Variants in CLNK observed in about 807,000 individuals in gnomAD.
CLNK encodes cytokine-dependent hematopoietic cell linker.
Under a neutral mutation model 68.6 loss-of-function variants are expected in CLNK, and 74 were observed. That is an observed-to-expected ratio of 1.08 (90% CI 0.89 to 1.31). The LOEUF is 1.31. CLNK is among the 50% of genes most tolerant of loss of function. The pLI is 0.00. For missense variants in CLNK, 553 were observed against 515.3 expected (o/e 1.07, Z -0.71); for synonymous variants, 198 against 172.2 (o/e 1.15, Z -1.17).
At chr4:10,596,140 C>G (rs935254978) in intron 3 of CLNK, among the ~76,000 whole-genome samples, 1 of 152,210 alleles carries the variant, frequency 6.6e-6, no homozygotes, top group Non-Finnish European at 1.5e-5. Flanking sequence ...ATTCTCCTGC[C>G]TCAGCCTCCC....
chr4:10,622,323 A>T (rs916588943), intron 2 of CLNK, among the ~76,000 whole-genome samples: 1 of 152,194 alleles, frequency 6.6e-6, no homozygotes, highest in Non-Finnish European at 1.5e-5. Context: ...GGGTCACCTG[A>T]TTTCAAGCCT....
intron 8 of CLNK, among the ~76,000 whole-genome samples, chr4:10,542,964 C>T (rs1719097060): frequency 1.3e-5 from 2 of 152,130 alleles, no homozygotes; most frequent in East Asian, 1.9e-4. Flanking sequence ...ATGTAATTAT[C>T]GAGCTTCTAC....
intron 16 of CLNK, among the ~76,000 whole-genome samples, chr4:10,508,853 A>G (rs1035874790): frequency 2.0e-5 from 3 of 152,166 alleles, no homozygotes; most frequent in African/African-American, 7.2e-5. Context: ...CAATGCCTGT[A>G]ATCCCAGCAC....
the CLNK span, among the ~76,000 whole-genome samples, chr4:10,713,431 G>C: frequency 6.6e-6 from 1 of 152,146 alleles, no homozygotes; most frequent in African/African-American, 2.4e-5. Context: ...TAGGAGGAAG[G>C]GGGAACAACC....
chr4:10,588,017 C>T (rs149063901), intron 3 of CLNK, among the ~76,000 whole-genome samples: 59 of 152,326 alleles, frequency 3.9e-4, no homozygotes, highest in African/African-American at 1.2e-3. Context: ...ACACTTTAGA[C>T]ATATGGCCTC....
Position 10,641,070 on chromosome 4 carries a change from G to T in CLNK, c.11+26789C>A, listed in dbSNP as rs536010885. On this transcript the variant is annotated intron_variant, in intron 2 of 18. Transcript: ENST00000226951. ...TCAGAATGTAGGATTTTTGCCTTGGGTGTGTTTTAGCTGTGGGAGAATACA... is the reference window on the plus strand; with the variant it reads ...TCAGAATGTAGGATTTTTGCCTTGGTTGTGTTTTAGCTGTGGGAGAATACA... 1.1e-4 allele frequency among the ~76,000 whole-genome samples: 17 copies of T among 152,300 alleles called. No homozygotes were observed. In the East Asian group the frequency reaches 2.9e-3, roughly 26 times the overall value.
At chr4:10,584,442 A>G (rs1720898864) in intron 4 of CLNK, among the ~76,000 whole-genome samples, 1 of 152,202 alleles carries the variant, frequency 6.6e-6, no homozygotes, top group African/African-American at 2.4e-5. Flanking sequence ...GCTTTTTCTC[A>G]AACTTTAATG....
upstream of CLNK, among the ~76,000 whole-genome samples, chr4:10,688,121 C>T (rs531146231): frequency 2.0e-5 from 3 of 152,240 alleles, no homozygotes; most frequent in South Asian, 4.2e-4. Flanking sequence ...ATGTGCCTGG[C>T]TATAATTAGC....
chr4:10,537,645 T>TCC (rs1171495685), intron 11 of CLNK, among the ~76,000 whole-genome samples: 38 of 51,840 alleles, frequency 7.3e-4, no homozygotes, highest in Admixed American at 5.9e-3. Flanking sequence ...TTCTCTTTCT[T>TCC]TCTTTCTTTC....
intron 3 of CLNK, among the ~76,000 whole-genome samples, chr4:10,586,336 C>CTTTTTTTTTT (rs5856064): frequency 1.1e-5 from 1 of 89,268 alleles, no homozygotes; most frequent in African/African-American, 4.1e-5. Flanking sequence ...CTTTTTTTTT[C>CTTTTTTTTTT]TTTTTTTTTT....
intron 2 of CLNK, among the ~76,000 whole-genome samples, chr4:10,604,095 T>C (rs1409230844): frequency 6.6e-6 from 1 of 152,234 alleles, no homozygotes; most frequent in Admixed American, 6.5e-5. Flanking sequence ...CATTCCCATT[T>C]TGCACATGGG....
At chr4:10,662,138 A>C (rs1445077132) in intron 2 of CLNK, among the ~76,000 whole-genome samples, 2 of 152,208 alleles carry the variant, frequency 1.3e-5, no homozygotes, top group Non-Finnish European at 2.9e-5. Flanking sequence ...TGCAGCATAC[A>C]CAGTGTTGTC....
intron 1 of CLNK, among the ~76,000 whole-genome samples, chr4:10,668,310 A>G (rs1470156067): frequency 6.6e-6 from 1 of 152,178 alleles, no homozygotes; most frequent in Non-Finnish European, 1.5e-5. Context: ...ACCATAAAAT[A>G]TTTATTGCAA....
intron 3 of CLNK, among the ~76,000 whole-genome samples, chr4:10,589,357 T>C (rs1721102066): frequency 6.6e-6 from 1 of 152,196 alleles, no homozygotes; most frequent in Admixed American, 6.5e-5. Context: ...AGTTCTCTTG[T>C]CTGGGAGCTT....
chr4:10,557,980 G>A (rs1205353810), intron 8 of CLNK, among the ~76,000 whole-genome samples: 2 of 152,214 alleles, frequency 1.3e-5, no homozygotes, highest in African/African-American at 2.4e-5. Flanking sequence ...TTTTAGGCTC[G>A]TACCTGTATT....
chr4:10,510,307 A>T (rs1168971710), intron 16 of CLNK, among the ~76,000 whole-genome samples: 1 of 152,114 alleles, frequency 6.6e-6, no homozygotes, highest in Non-Finnish European at 1.5e-5. Flanking sequence ...ATTTTGGCCA[A>T]ATATGTCGTT....
intron 2 of CLNK, among the ~76,000 whole-genome samples, chr4:10,600,887 C>G (rs1721567240): frequency 6.6e-6 from 1 of 152,156 alleles, no homozygotes; most frequent in Admixed American, 6.5e-5. Flanking sequence ...GCCTAAATGG[C>G]TTTAACCAGG....
At chr4:10,704,464 T>A in the CLNK span, among the ~76,000 whole-genome samples, 4 of 151,992 alleles carry the variant, frequency 2.6e-5, no homozygotes, top group African/African-American at 9.7e-5. Context: ...GAAAAATATT[T>A]TTTTTTTCTT....
chr4:10,543,519 T>C (rs1465552429), intron 8 of CLNK, among the ~76,000 whole-genome samples: 1 of 152,144 alleles, frequency 6.6e-6, no homozygotes, highest in African/African-American at 2.4e-5. Context: ...CCCCTGGAAG[T>C]CCCGTGGTGC....
Sources: gnomAD v4.1 joint callset for allele counts (sites outside exome capture counted in the v4.1 genomes callset) on GRCh38, gnomAD v4.1.1 for gene constraint, MANE v1.5 for transcripts, NCBI Gene and HGNC (gene_info 2026-07-23, HGNC 2026-07-21) for gene names.